The following CPQ variants were observed in gnomAD, a reference collection of about 807,000 sequenced individuals.
CPQ encodes the protein Ser-Met dipeptidase.
Under a neutral mutation model 45.7 loss-of-function variants are expected in CPQ, and 37 were observed. That is an observed-to-expected ratio of 0.81 (90% confidence interval 0.62 to 1.07). The LOEUF (loss-of-function observed/expected upper bound fraction) is 1.07, where lower values mean the gene tolerates loss of function less well. Ranked by LOEUF, CPQ falls within the 50% of genes least tolerant of loss-of-function variation. CPQ has a pLI of 0.00. For synonymous variants in CPQ, 186 were observed against 205.8 expected (o/e 0.90, Z 0.82); for missense variants, 537 against 572.9 (o/e 0.94, Z 0.64).
intron 7 of CPQ, among the ~76,000 whole-genome samples, chr8:97,077,339 G>A (rs938639213): frequency 2.0e-5 from 3 of 152,186 alleles, no homozygotes; most frequent in Non-Finnish European, 4.4e-5. Flanking sequence ...CTGGAGAGAT[G>A]AACTGCTCAC....
intron 6 of CPQ, among the ~76,000 whole-genome samples, chr8:97,060,651 A>G (rs1810535268): frequency 6.6e-6 from 1 of 152,152 alleles, no homozygotes; most frequent in Non-Finnish European, 1.5e-5. Context: ...TATCTCAGCA[A>G]TAAAGCATTC....
At chr8:96,660,531 T>A (rs1032434401) in intron 1 of CPQ, among the ~76,000 whole-genome samples, 5 of 152,214 alleles carry the variant, frequency 3.3e-5, no homozygotes, top group Non-Finnish European at 5.9e-5. Flanking sequence ...CATGAATGTA[T>A]AATGGATCAC....
At chr8:97,074,661 C>T (rs1201772797) in intron 7 of CPQ, among the ~76,000 whole-genome samples, 1 of 152,050 alleles carries the variant, frequency 6.6e-6, no homozygotes, top group African/African-American at 2.4e-5. Context: ...ATCCTAGCTA[C>T]CCGGGAGGCT....
rs945448143 is a variant in CPQ at position 96,733,214 on chromosome 8, T to A, written c.-34-51650T>A. Among the ~76,000 whole-genome samples the A allele has an allele frequency of 3.3e-5, 5 of 152,164 alleles. No individual in the cohort carries two copies. In the East Asian group the frequency reaches 9.6e-4, roughly 29 times the overall value. On this transcript the variant is annotated intron_variant, in intron 1 of 7. Coordinates refer to ENST00000220763, the MANE Select transcript of CPQ (RefSeq NM_016134.4). The stretch of plus-strand genomic sequence containing the variant: ...ATTTTAAAGACCAGAACTATTTAAA[T>A]TTTACCCTAACATGACTAAATTTAC...
chr8:96,966,119 T>G, intron 5 of CPQ, 73 bp downstream of exon 5: 1 of 1,034,516 alleles, frequency 9.7e-7, no homozygotes, highest in Non-Finnish European at 1.5e-6. Flanking sequence ...CACAAAATAC[T>G]TAACAGATTA....
At chr8:96,986,642 TGGG>T (rs2130397190) in intron 5 of CPQ, among the ~76,000 whole-genome samples, 1 of 152,198 alleles carries the variant, frequency 6.6e-6, no homozygotes, top group East Asian at 1.9e-4. Flanking sequence ...ACTAATCACT[TGGG>T]GGCCTGGGGA....
At chr8:96,771,227 C>A (rs1170968427) in intron 1 of CPQ, among the ~76,000 whole-genome samples, 2 of 150,774 alleles carry the variant, frequency 1.3e-5, no homozygotes, top group South Asian at 2.1e-4. Context: ...TAAATAATAA[C>A]TATGGAAGTG....
At chr8:97,070,588 A>T (rs563989596) in intron 7 of CPQ, among the ~76,000 whole-genome samples, 3 of 152,304 alleles carry the variant, frequency 2.0e-5, no homozygotes, top group East Asian at 3.9e-4. Context: ...AAAAATGTAT[A>T]AAAAATATTG....
intron 1 of CPQ, among the ~76,000 whole-genome samples, chr8:96,783,448 AAG>A (rs1269075751): frequency 6.6e-6 from 1 of 152,142 alleles, no homozygotes; most frequent in Non-Finnish European, 1.5e-5. Context: ...AAGAAGGGCA[AAG>A]AGGGGATGAG....
intron 5 of CPQ, among the ~76,000 whole-genome samples, chr8:96,983,783 A>G (rs1373769570): frequency 6.7e-6 from 1 of 148,706 alleles, no homozygotes; most frequent in Non-Finnish European, 1.5e-5. Flanking sequence ...CTGCAAGTCT[A>G]TTTTATCAAA....
chr8:97,123,703 C>T (rs1408157999), intron 7 of CPQ, among the ~76,000 whole-genome samples: 2 of 151,802 alleles, frequency 1.3e-5, no homozygotes, highest in Non-Finnish European at 2.9e-5. Flanking sequence ...AACCATGCCC[C>T]ATTAAAAGAC....
At chr8:96,920,143 C>G (rs147850101) in intron 4 of CPQ, among the ~76,000 whole-genome samples, 2 of 151,932 alleles carry the variant, frequency 1.3e-5, no homozygotes, top group Non-Finnish European at 1.5e-5. Flanking sequence ...CAATGCTGAG[C>G]GAATATTTGA....
chr8:96,685,850 T>C (rs1033970404), intron 1 of CPQ, among the ~76,000 whole-genome samples: 16 of 152,274 alleles, frequency 1.1e-4, no homozygotes, highest in Non-Finnish European at 2.4e-4. Flanking sequence ...AGTTTTCTTA[T>C]CCATCAATAT....
intron 1 of CPQ, among the ~76,000 whole-genome samples, chr8:96,660,014 T>C (rs917935976): frequency 3.3e-5 from 5 of 152,260 alleles, no homozygotes; most frequent in African/African-American, 1.2e-4. Flanking sequence ...CCCAAACTCC[T>C]AATTTGGCAT....
chr8:96,846,534 A>G (rs1811692791), intron 3 of CPQ, among the ~76,000 whole-genome samples: 1 of 152,112 alleles, frequency 6.6e-6, no homozygotes, highest in Admixed American at 6.5e-5. Context: ...TTTCTTTTAT[A>G]TGCATCTACA....
chr8:96,811,159 C>T (rs1040228981), intron 2 of CPQ, among the ~76,000 whole-genome samples: 2 of 152,186 alleles, frequency 1.3e-5, no homozygotes, highest in African/African-American at 4.8e-5. Flanking sequence ...AAGAATTTCA[C>T]TGCATCTAAG....
At chr8:96,923,431 T>A (rs1812834498) in intron 4 of CPQ, among the ~76,000 whole-genome samples, 1 of 152,154 alleles carries the variant, frequency 6.6e-6, no homozygotes, top group South Asian at 2.1e-4. Context: ...TTGGGAATAA[T>A]TTAGTCACCT....
chr8:96,885,027 A>G (rs1812281987), intron 4 of CPQ, among the ~76,000 whole-genome samples: 1 of 152,218 alleles, frequency 6.6e-6, no homozygotes, highest in South Asian at 2.1e-4. Flanking sequence ...GAAAGTGGGT[A>G]TCTTAGTCTG....
chr8:97,094,780 C>A (rs1018860716), intron 7 of CPQ, among the ~76,000 whole-genome samples: 1 of 151,882 alleles, frequency 6.6e-6, no homozygotes, highest in African/African-American at 2.4e-5. Context: ...TACAGCTTTA[C>A]CCAACTTTAT....
Sources: gnomAD v4.1 joint callset for allele counts (sites outside exome capture counted in the v4.1 genomes callset) on GRCh38, gnomAD v4.1.1 for gene constraint, MANE v1.5 for transcripts, NCBI Gene and HGNC (gene_info 2026-07-23, HGNC 2026-07-21) for gene names.